The following BCHE variants were observed in gnomAD, a reference collection of about 807,000 sequenced individuals.
BCHE encodes butyrylcholinesterase.
In BCHE, 48 loss-of-function variants were observed where a neutral mutation model predicts 51.3. That is an observed-to-expected ratio of 0.94 (90% CI 0.74 to 1.19). The LOEUF (loss-of-function observed/expected upper bound fraction) is 1.19, where lower values mean the gene tolerates loss of function less well. BCHE is among the 50% of genes most tolerant of loss of function. BCHE has a pLI of 0.00. For missense variants in BCHE, 847 were observed against 708.2 expected, an observed-to-expected ratio of 1.20 and a Z score of -2.23; for synonymous variants, 251 against 238.0, an observed-to-expected ratio of 1.05 and a Z score of -0.50.
At chr3:165,817,401 A>G (rs765254695) in intron 2 of BCHE, among the ~76,000 whole-genome samples, 4 of 152,094 alleles carry the variant, frequency 2.6e-5, no homozygotes, top group Non-Finnish European at 5.9e-5. Context: ...TGAATATTTC[A>G]TAACTAAATG....
chr3:165,790,914 T>G (rs79923557), intron 2 of BCHE, among the ~76,000 whole-genome samples: 265 of 152,028 alleles, frequency 1.7e-3, no homozygotes, highest in African/African-American at 6.2e-3. Flanking sequence ...GGACAGTAAG[T>G]TCACATTATT....
chr3:165,808,674 G>A (rs966085526), intron 2 of BCHE, among the ~76,000 whole-genome samples: 5 of 152,024 alleles, frequency 3.3e-5, no homozygotes, highest in Non-Finnish European at 4.4e-5. Flanking sequence ...CACTTTGAGA[G>A]GATTGTTTGA....
At chr3:165,812,872 G>T (rs189549751) in intron 2 of BCHE, among the ~76,000 whole-genome samples, 2,892 of 151,742 alleles carry the variant, frequency 0.019, 92 homozygotes, top group African/African-American at 0.066. Context: ...AAAGGACTGG[G>T]GTCCATAGCA....
chr3:165,788,679 C>T (rs9843853), intron 2 of BCHE, among the ~76,000 whole-genome samples: 8,678 of 152,184 alleles, frequency 0.057, 332 homozygotes, highest in African/African-American at 0.091. Context: ...ACCATTTTAA[C>T]TGCGCATTCA....
intron 2 of BCHE, among the ~76,000 whole-genome samples, chr3:165,796,508 G>T (rs1713382994): frequency 1.3e-5 from 2 of 152,214 alleles, no homozygotes; most frequent in South Asian, 4.1e-4. Flanking sequence ...TTCTGTTCAA[G>T]AAATAAAATG....
rs939643272 is a variant in BCHE at position 165,777,590 on chromosome 3, C to G, written c.1685-4084G>C. On this transcript the variant is annotated intron_variant, in intron 3 of 3. Coordinates refer to ENST00000264381, the MANE Select transcript of BCHE (RefSeq NM_000055.4). ...ATAGAGATATTAAAAACAAGTTTCT[C>G]CAAAGCAAATCTCTGTGTGCAGGGG... 9 of 237,364 alleles carry G rather than the reference C, an allele frequency of 3.8e-5. No homozygotes were observed. In the Admixed American group the frequency reaches 4.4e-4, roughly 12 times the overall value. The allele number at this position is 237,364 out of a possible 1,614,324, so 14.7% of individuals were successfully genotyped here.
intron 3 of BCHE, among the ~76,000 whole-genome samples, chr3:165,779,138 C>T (rs35346450): frequency 0.048 from 7,284 of 152,118 alleles, 245 homozygotes; most frequent in Middle Eastern, 0.075. Flanking sequence ...TCTCGTACTA[C>T]GGATGCAAGT....
chr3:165,777,282 C>T (rs1452610468), intron 3 of BCHE, among the ~76,000 whole-genome samples: 1 of 151,686 alleles, frequency 6.6e-6, no homozygotes, highest in Non-Finnish European at 1.5e-5. Flanking sequence ...AGTAAGAATA[C>T]AGTTGATTTA....
chr3:165,796,680 T>C lies in BCHE; in HGVS notation c.1518-10369A>G, dbSNP rs112783957. Among the ~76,000 whole-genome samples the C allele has an allele frequency of 6.2e-3, 950 of 152,338 alleles. 3 individuals are homozygous for C. The highest frequency in any genetic ancestry group is 0.041 in the Middle Eastern group (12 of 294). On this transcript the variant is annotated intron_variant, in intron 2 of 3. Transcript: ENST00000264381. ...TTAAAGCATACTTTTATATATTATG[T>C]GAACATTTTAATCTTAATAAGTATT...
At chr3:165,787,542 A>G (rs1713001748) in intron 2 of BCHE, among the ~76,000 whole-genome samples, 1 of 151,932 alleles carries the variant, frequency 6.6e-6, no homozygotes, top group Non-Finnish European at 1.5e-5. Flanking sequence ...TACCTGATGG[A>G]ATGGGAATCT....
In BCHE at chr3:165,829,533, T is replaced by G. The variant is rs772540228; in HGVS notation, c.1501A>C (p.Asn501His). Residue 501 changes from asparagine to histidine, a missense_variant, in exon 2 of 4, where the codon AAT becomes CAT. Physicochemically the swap from Asn to His is moderately conservative, Grantham distance 68 (BLOSUM62 1). Transcript: ENST00000264381. ...LSRSIVKRWANFAKYGNPNET... is the reference protein window; with the variant it reads ...LSRSIVKRWAHFAKYGNPNET... ...AGCACTTACCCATATTTTGCAAAAT[T>G]TGCCCACCGTTTCACTATGGATCTA... The G allele has an allele frequency of 1.2e-6, 2 of 1,613,484 alleles. No homozygotes were observed. Among genetic ancestry groups the G allele is most frequent in the African/African-American group, 1.3e-5 (1 of 74,860 alleles).
chr3:165,780,310 G>C (rs114078233), intron 3 of BCHE, among the ~76,000 whole-genome samples: 308 of 152,208 alleles, frequency 2.0e-3, no homozygotes, highest in African/African-American at 7.1e-3. Context: ...AACAATTCTA[G>C]AAGAAAATCT....
intron 2 of BCHE, among the ~76,000 whole-genome samples, chr3:165,821,370 T>C (rs1714507496): frequency 6.6e-6 from 1 of 151,758 alleles, no homozygotes; most frequent in African/African-American, 2.4e-5. Context: ...GATTTCTCCA[T>C]CCATAATTTC....
rs1359243055 is a variant in BCHE at position 165,837,381 on chromosome 3, G to T, written c.-76C>A. On this transcript the variant is annotated 5_prime_UTR_variant, in exon 1 of 4. Coordinates refer to ENST00000264381, the MANE Select transcript of BCHE (RefSeq NM_000055.4). ...AAATCATGTAATACTTCGGGGAAAT[G>T]CAGGATGCAGCTGCTGCTCCAGCCT... The T allele has an allele frequency of 7.8e-7, 1 of 1,289,670 alleles. No homozygotes were observed. The highest frequency in any genetic ancestry group is 1.5e-5 in the African/African-American group (1 of 65,872). The allele number at this position is 1,289,670 out of a possible 1,614,324, so 79.9% of individuals were successfully genotyped here. A position where few individuals can be genotyped will look rare whatever the true frequency, so the allele number is the denominator to read the frequency against.
At chr3:165,780,118 A>C (rs1175411456) in intron 3 of BCHE, among the ~76,000 whole-genome samples, 2 of 152,114 alleles carry the variant, frequency 1.3e-5, no homozygotes, top group Non-Finnish European at 2.9e-5. Flanking sequence ...TACATCGACA[A>C]CCATTTGTTC....
At chr3:165,789,862 G>A (rs748098730) in intron 2 of BCHE, among the ~76,000 whole-genome samples, 1 of 152,048 alleles carries the variant, frequency 6.6e-6, no homozygotes, top group South Asian at 2.1e-4. Flanking sequence ...GTGTGTACTA[G>A]ATCAGGTATT....
chr3:165,830,761 A>AT lies in BCHE; in HGVS notation c.272dup (p.Asn91LysfsTer25). ...TTTGATCTATGTTCTGACAGCAAGA[A>AT]TTTGCATATTTTGTGGCATTCCAAA... On this transcript the variant is annotated frameshift_variant, in exon 2 of 4. Transcript: ENST00000264381. LOFTEE classifies it high-confidence loss of function. 1 of 1,613,732 alleles carries AT rather than the reference A, an allele frequency of 6.2e-7. No homozygotes were observed. The highest frequency in any genetic ancestry group is 1.7e-5 in the Admixed American group (1 of 59,900).
chr3:165,819,292 G>A, intron 2 of BCHE, among the ~76,000 whole-genome samples: 1 of 151,696 alleles, frequency 6.6e-6, no homozygotes, highest in Non-Finnish European at 1.5e-5. Context: ...TAGCCAGGCA[G>A]ATCTCGAACT....
intron 2 of BCHE, among the ~76,000 whole-genome samples, chr3:165,824,118 TAAAC>T (rs1285403342): frequency 6.6e-6 from 1 of 151,598 alleles, no homozygotes; most frequent in Non-Finnish European, 1.5e-5. Context: ...GAAATTAAAA[TAAAC>T]AAAATTGTAT....
Sources: allele counts gnomAD v4.1 joint callset (sites outside exome capture counted in the v4.1 genomes callset), GRCh38; gene constraint gnomAD v4.1.1; transcripts MANE v1.5; gene names NCBI Gene and HGNC (gene_info 2026-07-23, HGNC 2026-07-21).